The following KIAA1217 variants were observed in gnomAD, a reference collection of about 807,000 sequenced individuals.
The protein encoded by KIAA1217 is sickle tail protein homolog.
KIAA1217 carries 88 observed loss-of-function variants against 163.9 expected under a neutral mutation model. The ratio of observed to expected loss-of-function variants is 0.54; its 90% CI spans 0.45 to 0.64. The LOEUF is 0.64. Ranked by LOEUF, KIAA1217 falls within the 30% of genes least tolerant of loss-of-function variation. The pLI, the probability that KIAA1217 is intolerant of heterozygous loss-of-function variation, is 0.00. For synonymous variants in KIAA1217, 903 were observed against 923.1 expected, an observed-to-expected ratio of 0.98 and a Z score of 0.39; for missense variants, 2,372 against 2,475.0, an observed-to-expected ratio of 0.96 and a Z score of 0.88.
intron 2 of KIAA1217, among the ~76,000 whole-genome samples, chr10:24,373,653 T>C (rs2052020026): frequency 6.6e-6 from 1 of 152,170 alleles, no homozygotes; most frequent in Non-Finnish European, 1.5e-5. Context: ...AGTATTTGCA[T>C]AGTGTGGTGC....
At chr10:24,102,752 T>C (rs1394080816) in intron 2 of KIAA1217, among the ~76,000 whole-genome samples, 1 of 152,178 alleles carries the variant, frequency 6.6e-6, no homozygotes, top group East Asian at 1.9e-4. Flanking sequence ...AACACAAACA[T>C]ATTCAACTGA....
Position 24,032,535 on chromosome 10 carries a change from C to T in KIAA1217, c.-171+25161C>T, listed in dbSNP as rs917113314. ...TACAGGCATGAGCCACCATGCCTGG[C>T]CTCTTCATGAGTTTTGTCTGTTTGT... is the stretch of plus-strand genomic sequence containing the variant. On this transcript the variant is annotated intron_variant, in intron 2 of 18. Coordinates refer to the KIAA1217 transcript ENST00000376462. 2.6e-5 allele frequency among the ~76,000 whole-genome samples: 4 copies of T among 152,122 alleles called. No individual in the cohort carries two copies. In the South Asian group the frequency reaches 8.3e-4, roughly 32 times the overall value.
At chr10:24,277,849 G>A (rs147565965) in intron 2 of KIAA1217, among the ~76,000 whole-genome samples, 6 of 152,290 alleles carry the variant, frequency 3.9e-5, no homozygotes, top group African/African-American at 1.4e-4. Context: ...AGGTTTTCCT[G>A]AGTCCTCTCT....
At chr10:23,764,315 C>T (rs1418566617) in intron 1 of KIAA1217, among the ~76,000 whole-genome samples, 10 of 152,050 alleles carry the variant, frequency 6.6e-5, no homozygotes, top group Non-Finnish European at 1.0e-4. Context: ...TAGATGTTGG[C>T]GAGGCTCTGG....
chr10:24,538,816 C>T (rs571869945), intron 17 of KIAA1217, among the ~76,000 whole-genome samples: 3 of 143,338 alleles, frequency 2.1e-5, no homozygotes, highest in African/African-American at 7.7e-5. Flanking sequence ...CTCACTGCAA[C>T]CTCCGCCTCC....
intron 2 of KIAA1217, among the ~76,000 whole-genome samples, chr10:24,229,476 A>G (rs75304227): frequency 0.013 from 1,983 of 152,288 alleles, 33 homozygotes; most frequent in African/African-American, 0.045. Context: ...TAATGACTGA[A>G]TATGAGTTTA....
intron 2 of KIAA1217, among the ~76,000 whole-genome samples, chr10:24,135,768 C>T (rs2063809905): frequency 6.6e-6 from 1 of 151,970 alleles, no homozygotes; most frequent in African/African-American, 2.4e-5. Flanking sequence ...AGCTCTGCTG[C>T]GAAGCTTTCT....
intron 2 of KIAA1217, among the ~76,000 whole-genome samples, chr10:24,065,664 G>A (rs1203869822): frequency 6.6e-6 from 1 of 152,132 alleles, no homozygotes; most frequent in Non-Finnish European, 1.5e-5. Flanking sequence ...AGGTCTGACT[G>A]GTGCAGAGCT....
Position 24,361,158 on chromosome 10 carries a change from CA to C in KIAA1217, c.355-19709del, listed in dbSNP as rs368452551. Among the ~76,000 whole-genome samples, 1,166 of 145,182 alleles carry C rather than the reference CA, an allele frequency of 8.0e-3. 16 individuals are homozygous for C. Among genetic ancestry groups the C allele is most frequent in the African/African-American group, 0.027 (1,080 of 40,548 alleles). ...CTCAAAGGAAAGAAACCACATGCCA[CA>C]AGCACATGCCATTTTTTTTTCTTAT... is the stretch of plus-strand genomic sequence containing the variant. On this transcript the variant is annotated intron_variant, in intron 2 of 20. Coordinates refer to ENST00000376454, the MANE Select transcript of KIAA1217 (RefSeq NM_019590.5).
At chr10:24,213,179 A>G (rs575295235) in intron 1 of KIAA1217, among the ~76,000 whole-genome samples, 26 of 152,328 alleles carry the variant, frequency 1.7e-4, no homozygotes, top group African/African-American at 6.0e-4. Context: ...TGTAGCGCAT[A>G]GTGTGCTTTG....
intron 1 of KIAA1217, among the ~76,000 whole-genome samples, chr10:23,816,821 G>A (rs902077873): frequency 6.6e-6 from 1 of 152,190 alleles, no homozygotes; most frequent in Non-Finnish European, 1.5e-5. Flanking sequence ...TAGTCAGAAG[G>A]AGAATGGTGG....
chr10:24,275,645 GT>G (rs778185770), intron 2 of KIAA1217: 8 of 472,924 alleles, frequency 1.7e-5, no homozygotes, highest in East Asian at 1.4e-4. Flanking sequence ...TCTCAAGTAT[GT>G]TTTTTTTCTC....
intron 1 of KIAA1217, among the ~76,000 whole-genome samples, chr10:23,929,853 T>G (rs1386111132): frequency 6.6e-6 from 1 of 152,220 alleles, no homozygotes; most frequent in Admixed American, 6.5e-5. Context: ...ATGGTAGTTC[T>G]GTTTTAAGTT....
chr10:24,256,688 TTGTG>T (rs146332353), intron 2 of KIAA1217, among the ~76,000 whole-genome samples: 1 of 151,952 alleles, frequency 6.6e-6, no homozygotes, highest in Admixed American at 6.6e-5. Context: ...AGGATTTGCT[TTGTG>T]TGTGTGTGTG....
chr10:24,207,539 C>CTCCTTAAAGCAAGATTGCCAGGTAA (rs1396253802), upstream of KIAA1217, among the ~76,000 whole-genome samples: 1 of 152,202 alleles, frequency 6.6e-6, no homozygotes, highest in Admixed American at 6.5e-5. Flanking sequence ...AGATTAGTTC[C>CTCCTTAAAGCAAGATTGCCAGGTAA]TCCTTAAAGC....
intron 10 of KIAA1217, among the ~76,000 whole-genome samples, chr10:24,516,691 A>T (rs1003300068): frequency 1.3e-5 from 2 of 152,194 alleles, no homozygotes; most frequent in African/African-American, 4.8e-5. Flanking sequence ...GATTAAGAGG[A>T]AAATAGATCA....
intron 2 of KIAA1217, among the ~76,000 whole-genome samples, chr10:24,349,448 G>C (rs1368350962): frequency 1.3e-5 from 2 of 152,202 alleles, no homozygotes; most frequent in East Asian, 3.9e-4. Context: ...AGTTATTTTA[G>C]TTACTCCTGA....
chr10:23,934,880 G>T (rs1423575115), intron 1 of KIAA1217, among the ~76,000 whole-genome samples: 1 of 151,592 alleles, frequency 6.6e-6, no homozygotes, highest in Non-Finnish European at 1.5e-5. Context: ...GCCTCCCACA[G>T]TGCTGGGATT....
chr10:23,984,437 T>C (rs1845890026), intron 1 of KIAA1217, among the ~76,000 whole-genome samples: 1 of 152,134 alleles, frequency 6.6e-6, no homozygotes, highest in Non-Finnish European at 1.5e-5. Context: ...GATTGCTGGG[T>C]CAAATGGTAT....
Sources: allele counts gnomAD v4.1 joint callset (sites outside exome capture counted in the v4.1 genomes callset), GRCh38; gene constraint gnomAD v4.1.1; transcripts MANE v1.5; gene names NCBI Gene and HGNC (gene_info 2026-07-23, HGNC 2026-07-21).